SBNO1: variants seen among roughly 807,000 people sequenced by gnomAD.
SBNO1 encodes strawberry notch homolog 1, also known as protein strawberry notch homolog 1.
In SBNO1, 23 loss-of-function variants were observed where a neutral mutation model predicts 173.6. The ratio of observed to expected loss-of-function variants is 0.13; its 90% confidence interval spans 0.10 to 0.19. The LOEUF (loss-of-function observed/expected upper bound fraction) is 0.19. SBNO1 is among the 10% of genes least tolerant of loss of function. SBNO1 has a pLI of 1.00. For missense variants in SBNO1, 1,238 were observed against 1,671.2 expected, an observed-to-expected ratio of 0.74 and a Z score of 4.52; for synonymous variants, 632 against 571.5, an observed-to-expected ratio of 1.11 and a Z score of -1.51.
At chr12:123,341,555 CTT>C (rs1325057664) in intron 4 of SBNO1, among the ~76,000 whole-genome samples, 2 of 152,184 alleles carry the variant, frequency 1.3e-5, no homozygotes, top group Non-Finnish European at 2.9e-5. Context: ...GAGTTTCACT[CTT>C]GTTGCCCAGG....
Position 123,295,952 on chromosome 12 carries a change from G to GC in SBNO1, c.4137dup (p.Gln1380AlafsTer30). 1 of 1,612,766 alleles carries GC rather than the reference G, an allele frequency of 6.2e-7. No individual in the cohort carries two copies. The highest frequency in any genetic ancestry group is 8.5e-7 in the Non-Finnish European group (1 of 1,178,728). ...GTGATGCTCTGAGGGTGATGCTGTT[G>GC]CCATAGCTGTTTCTGTTGGACCGCA... On this transcript the variant is annotated frameshift_variant, in exon 32 of 32. Transcript: ENST00000602398. LOFTEE classifies it high-confidence loss of function.
chr12:123,332,842 G>A (rs1871372380), intron 7 of SBNO1, among the ~76,000 whole-genome samples: 1 of 152,108 alleles, frequency 6.6e-6, no homozygotes, highest in Non-Finnish European at 1.5e-5. Flanking sequence ...TACTGGGATT[G>A]GGCCGGGCAC....
intron 30 of SBNO1, among the ~76,000 whole-genome samples, chr12:123,300,156 T>G (rs1019500119): frequency 1.3e-5 from 2 of 152,228 alleles, no homozygotes; most frequent in African/African-American, 4.8e-5. Flanking sequence ...AAGACGAATC[T>G]AATACAGTGT....
chr12:123,301,963 C>G (rs1184575437), intron 30 of SBNO1, among the ~76,000 whole-genome samples: 3 of 149,894 alleles, frequency 2.0e-5, no homozygotes, highest in African/African-American at 4.9e-5. Context: ...TTTTAAGAGA[C>G]AGTTTTTGCT....
intron 1 of SBNO1, chr12:123,364,286 G>A (rs1320855531): frequency 1.0e-6 from 1 of 985,604 alleles, no homozygotes; most frequent in Non-Finnish European, 1.2e-6. Flanking sequence ...GGAAGGATCC[G>A]GTCCTTACTT....
chr12:123,311,212 G>C (rs80336138), intron 24 of SBNO1, 83 bp from the exon 25 acceptor site: 47,595 of 973,580 alleles, frequency 0.049, 2,057 homozygotes, highest in East Asian at 0.24. Context: ...TATGTTGTAA[G>C]TAGTATCATG....
chr12:123,364,162 G>A (rs535514092), intron 1 of SBNO1: 5 of 985,420 alleles, frequency 5.1e-6, no homozygotes, highest in Non-Finnish European at 6.0e-6. Flanking sequence ...CCCCAAGAGC[G>A]GGGCATGTAC....
At chr12:123,364,509 C>T (rs1227284606) in intron 1 of SBNO1, 192 bp downstream of exon 1, 4 of 983,754 alleles carry the variant, frequency 4.1e-6, no homozygotes, top group Non-Finnish European at 4.8e-6. Context: ...AACGGAGCCG[C>T]CGTCGGGAAC....
intron 25 of SBNO1, 46 bp from the exon 26 acceptor site, chr12:123,309,902 AATTT>A: frequency 6.8e-7 from 1 of 1,476,086 alleles, no homozygotes; most frequent in South Asian, 1.3e-5. Flanking sequence ...GATAATTAAA[AATTT>A]TTTATTCATC....
At chr12:123,321,421 A>C in intron 17 of SBNO1, 114 bp downstream of exon 17, 1 of 788,390 alleles carries the variant, frequency 1.3e-6, no homozygotes, top group Non-Finnish European at 2.0e-6. Flanking sequence ...CACCAAGCAA[A>C]GATTATAATC....
At chr12:123,305,466 T>C (rs2048889723) in intron 28 of SBNO1, among the ~76,000 whole-genome samples, 1 of 152,162 alleles carries the variant, frequency 6.6e-6, no homozygotes, top group Non-Finnish European at 1.5e-5. Flanking sequence ...AATTTAGGTA[T>C]GTATTTTTAA....
At chr12:123,327,174 T>C (rs1245160461) in intron 13 of SBNO1, among the ~76,000 whole-genome samples, 1 of 151,764 alleles carries the variant, frequency 6.6e-6, no homozygotes, top group African/African-American at 2.4e-5. Flanking sequence ...GCCCAGCTAA[T>C]TTTTTTTCGT....
intron 30 of SBNO1, among the ~76,000 whole-genome samples, chr12:123,299,695 A>C (rs923867494): frequency 2.0e-5 from 3 of 151,226 alleles, no homozygotes; most frequent in African/African-American, 4.8e-5. Context: ...AAAAAAAAAA[A>C]AAAACAAAAA....
intron 1 of SBNO1, chr12:123,363,804 G>A (rs1875702032): frequency 8.3e-5 from 79 of 950,024 alleles, no homozygotes; most frequent in Non-Finnish European, 9.8e-5. Flanking sequence ...TTAGTGGTCC[G>A]CAAACATTAA....
At chr12:123,330,396 A>G (rs1247282030) in intron 9 of SBNO1, 23 bp downstream of exon 9, 2 of 1,305,230 alleles carry the variant, frequency 1.5e-6, no homozygotes, top group South Asian at 1.2e-5. Flanking sequence ...TTGAATGACC[A>G]ACTGAATAAA....
intron 13 of SBNO1, 38 bp downstream of exon 13, chr12:123,327,388 C>A (rs1352097436): frequency 2.6e-6 from 4 of 1,551,484 alleles, no homozygotes; most frequent in Non-Finnish European, 3.5e-6. Context: ...TTATCAGATA[C>A]ATTAAATAAA....
intron 1 of SBNO1, among the ~76,000 whole-genome samples, chr12:123,361,038 G>C (rs971014135): frequency 1.3e-5 from 2 of 152,134 alleles, no homozygotes. Flanking sequence ...GAGATCAAGA[G>C]ATTGAAACAA....
At position 123,294,013 on chromosome 12, in the gene SBNO1, T is replaced by G. The variant is rs956457390; in HGVS notation, c.*1895A>C. On this transcript the variant is annotated 3_prime_UTR_variant, in exon 32 of 32. Transcript: ENST00000602398. The stretch of plus-strand genomic sequence containing the variant: ...GTTCTGCTGAAGGTGGGGAGAGTGC[T>G]GCTCTTGGCTGCCAGCCGGGTCTAG... 1 of 152,328 alleles carries G rather than the reference T, an allele frequency of 6.6e-6. No individual in the cohort carries two copies. The highest frequency in any genetic ancestry group is 2.4e-5 in the African/African-American group (1 of 41,474). The allele number at this position is 152,328 out of a possible 1,614,324, so 9.4% of individuals were successfully genotyped here.
chr12:123,317,089 TG>T, intron 21 of SBNO1, 131 bp downstream of exon 21: 1 of 862,504 alleles, frequency 1.2e-6, no homozygotes, highest in Non-Finnish European at 1.8e-6. Context: ...CCTCCCACAG[TG>T]GCCTCCCGAA....
Sources: gnomAD v4.1 joint callset for allele counts (sites outside exome capture counted in the v4.1 genomes callset) on GRCh38, gnomAD v4.1.1 for gene constraint, MANE v1.5 for transcripts, NCBI Gene and HGNC (gene_info 2026-07-23, HGNC 2026-07-21) for gene names.